AIM2: variants seen among roughly 807,000 people sequenced by gnomAD.
The protein encoded by AIM2 is absent in melanoma 2, also known as interferon-inducible protein AIM2.
In AIM2, 30 loss-of-function variants were observed where a neutral mutation model predicts 27.7. That is an observed-to-expected ratio of 1.08 (90% CI 0.81 to 1.47). The LOEUF is 1.47. Ranked by LOEUF, AIM2 falls within the 40% of genes most tolerant of loss-of-function variation. The pLI is 0.00. For missense variants in AIM2, 358 were observed against 411.3 expected (o/e 0.87, Z 1.12); for synonymous variants, 141 against 145.3 (o/e 0.97, Z 0.21).
intron 1 of AIM2, among the ~76,000 whole-genome samples, chr1:159,119,564 G>A (rs531514677): frequency 2.6e-5 from 4 of 151,600 alleles, no homozygotes; most frequent in Non-Finnish European, 5.9e-5. Context: ...TGATACAATA[G>A]GAGATCTTAA....
chr1:159,057,622 A>G (rs185214361), downstream of AIM2, among the ~76,000 whole-genome samples: 124 of 152,326 alleles, frequency 8.1e-4, no homozygotes, highest in African/African-American at 2.8e-3. Flanking sequence ...TCTGAGCTGT[A>G]GCTGGAGCTT....
intron 1 of AIM2, among the ~76,000 whole-genome samples, chr1:159,127,984 G>T (rs953715153): frequency 4.6e-5 from 7 of 151,978 alleles, no homozygotes; most frequent in African/African-American, 1.7e-4. Flanking sequence ...CTCTTAATCT[G>T]TTCCCTTCAT....
intron 1 of AIM2, among the ~76,000 whole-genome samples, chr1:159,089,469 G>A (rs1656999249): frequency 6.6e-6 from 1 of 152,164 alleles, no homozygotes; most frequent in Non-Finnish European, 1.5e-5. Flanking sequence ...AGCACAGAAG[G>A]TAGACATAAA....
chr1:159,073,570 A>G (rs1656466039), intron 1 of AIM2, 51 bp from the exon 2 acceptor site: 1 of 1,499,670 alleles, frequency 6.7e-7, no homozygotes, highest in Admixed American at 2.1e-5. Context: ...GTGATTCTAC[A>G]TTCAAAATAA....
chr1:159,088,884 T>C (rs1357882089), intron 1 of AIM2, among the ~76,000 whole-genome samples: 1 of 152,188 alleles, frequency 6.6e-6, no homozygotes, highest in African/African-American at 2.4e-5. Context: ...TCGAGAACTG[T>C]AAAAAATACA....
chr1:159,059,894 C>G (rs914584947), downstream of AIM2, among the ~76,000 whole-genome samples: 1 of 152,142 alleles, frequency 6.6e-6, no homozygotes, highest in African/African-American at 2.4e-5. Context: ...TTCCACCTTA[C>G]CACATATCAG....
At chr1:159,097,479 C>T (rs907210628) in intron 1 of AIM2, among the ~76,000 whole-genome samples, 49 of 152,090 alleles carry the variant, frequency 3.2e-4, no homozygotes, top group African/African-American at 1.2e-3. Flanking sequence ...CACAATTTCA[C>T]AGCCATAATG....
chr1:159,071,184 C>G (rs1323266663), intron 2 of AIM2, among the ~76,000 whole-genome samples: 1 of 152,170 alleles, frequency 6.6e-6, no homozygotes, highest in Non-Finnish European at 1.5e-5. Context: ...CTTCTCCTGT[C>G]TACTAATTAT....
rs1246444002 is a variant in AIM2, at chr1:159,136,979, C to T, written c.-16+3452G>A. Among the ~76,000 whole-genome samples the T allele has an allele frequency of 2.6e-5, 4 of 152,306 alleles. No individual in the cohort carries two copies. In the East Asian group the frequency reaches 7.7e-4, roughly 29 times the overall value. ...TTGCTGCTTCTAAAGGCTTTGGGCCCAGGAGACCTCTAAACCTGCCTACAT... is the reference window on the plus strand; with the variant it reads ...TTGCTGCTTCTAAAGGCTTTGGGCCTAGGAGACCTCTAAACCTGCCTACAT... On this transcript the variant is annotated intron_variant, in intron 1 of 2. Coordinates refer to the AIM2 transcript ENST00000368129.
At chr1:159,106,309 C>T (rs1228349959) in intron 1 of AIM2, among the ~76,000 whole-genome samples, 3 of 152,232 alleles carry the variant, frequency 2.0e-5, no homozygotes, top group African/African-American at 7.2e-5. Context: ...ATAGGTCCAG[C>T]CACGCCTCCC....
chr1:159,062,563 T>C lies in AIM2; in HGVS notation c.*129A>G. On this transcript the variant is annotated 3_prime_UTR_variant, in exon 6 of 6. Transcript: ENST00000368130. Reference sequence around the variant, plus strand: ...ATCCAGCAATTATTCTATCCTAATTTGGTGGAGAGAGGAGCCTGTGAACTG... The same window carrying C: ...ATCCAGCAATTATTCTATCCTAATTCGGTGGAGAGAGGAGCCTGTGAACTG... 1 of 768,658 alleles carries C rather than the reference T, an allele frequency of 1.3e-6. No individual in the cohort carries two copies. The highest frequency in any genetic ancestry group is 2.2e-6 in the Non-Finnish European group (1 of 454,766). The allele number at this position is 768,658 out of a possible 1,614,324, so 47.6% of individuals were successfully genotyped here. A position where few individuals can be genotyped will look rare whatever the true frequency, so the allele number is the denominator to read the frequency against.
At chr1:159,102,150 C>T (rs1018932004) in intron 1 of AIM2, among the ~76,000 whole-genome samples, 1 of 152,234 alleles carries the variant, frequency 6.6e-6, no homozygotes, top group Admixed American at 6.5e-5. Flanking sequence ...GCTGCTTCAG[C>T]TCCTGCTATG....
At chr1:159,057,398 C>T in the AIM2 span, among the ~76,000 whole-genome samples, 8 of 152,274 alleles carry the variant, frequency 5.3e-5, no homozygotes, top group East Asian at 1.5e-3. Context: ...TTGTGACACA[C>T]CTAGATAACT....
intron 1 of AIM2, among the ~76,000 whole-genome samples, chr1:159,132,602 T>A (rs1016180110): frequency 6.6e-6 from 1 of 152,166 alleles, no homozygotes; most frequent in Non-Finnish European, 1.5e-5. Context: ...GATTGTGGAA[T>A]CCATATACCC....
chr1:159,070,866 G>A (rs535142987), intron 2 of AIM2, among the ~76,000 whole-genome samples: 44 of 152,186 alleles, frequency 2.9e-4, no homozygotes, highest in Non-Finnish European at 4.9e-4. Flanking sequence ...TCACAGCATC[G>A]GAGAGAAAAC....
chr1:159,101,012 T>C (rs750013594), intron 1 of AIM2, among the ~76,000 whole-genome samples: 2 of 152,210 alleles, frequency 1.3e-5, no homozygotes, highest in Non-Finnish European at 2.9e-5. Context: ...TAACAAGAAG[T>C]ACACCTCACT....
chr1:159,082,853 T>C (rs1200239995), intron 1 of AIM2, among the ~76,000 whole-genome samples: 3 of 152,114 alleles, frequency 2.0e-5, no homozygotes, highest in Admixed American at 2.0e-4. Context: ...CCTTGAACCT[T>C]GACTTGTACA....
intron 1 of AIM2, among the ~76,000 whole-genome samples, chr1:159,110,522 T>C (rs1657543934): frequency 6.6e-6 from 1 of 152,132 alleles, no homozygotes; most frequent in South Asian, 2.1e-4. Flanking sequence ...TATACCAGGG[T>C]CTATGGACCT....
At chr1:159,079,463 T>C (rs1656720681), upstream of AIM2, among the ~76,000 whole-genome samples, 1 of 152,170 alleles carries the variant, frequency 6.6e-6, no homozygotes, top group African/African-American at 2.4e-5. Flanking sequence ...AAAAAGCAAG[T>C]TATCAAATAA....
Sources: allele counts gnomAD v4.1 joint callset (sites outside exome capture counted in the v4.1 genomes callset), GRCh38; gene constraint gnomAD v4.1.1; transcripts MANE v1.5; gene names NCBI Gene and HGNC (gene_info 2026-07-23, HGNC 2026-07-21).